The following AKAP9 variants were observed in gnomAD, a reference collection of about 807,000 sequenced individuals.
The protein encoded by AKAP9 is A-kinase anchor protein 9.
Under a neutral mutation model 488.5 loss-of-function variants are expected in AKAP9, and 311 were observed. That is an observed-to-expected ratio of 0.64 (90% CI 0.58 to 0.70). The LOEUF (loss-of-function observed/expected upper bound fraction) is 0.70, where lower values mean the gene tolerates loss of function less well. Among genes scored for constraint, AKAP9 ranks in the 30% least tolerant of loss-of-function variants. The pLI, the probability that AKAP9 is intolerant of heterozygous loss-of-function variation, is 0.00. For synonymous variants in AKAP9, 1,462 were observed against 1,483.5 expected (o/e 0.99, Z 0.33); for missense variants, 4,215 against 4,374.5 (o/e 0.96, Z 1.03).
chr7:92,022,771 C>T (rs756488407), intron 13 of AKAP9, 43 bp from the exon 14 acceptor site: 4 of 1,292,466 alleles, frequency 3.1e-6, no homozygotes, highest in South Asian at 2.5e-5. Context: ...CACTAAGAAA[C>T]TTATATTGAA....
rs373116967 is a variant in AKAP9 at position 92,026,531 on chromosome 7, C to T, written c.4149-3364C>T. On this transcript the variant is annotated intron_variant, in intron 14 of 49. Coordinates refer to ENST00000356239, the MANE Select transcript of AKAP9 (RefSeq NM_005751.5). The stretch of plus-strand genomic sequence containing the variant: ...TGTGTTTTTGGTGGAGATGGGGTTT[C>T]GCCATGTTGGCTGGGCTGGTCTCCA... Among the ~76,000 whole-genome samples the T allele has an allele frequency of 1.1e-3, 171 of 152,186 alleles. 2 individuals are homozygous for T. The Middle Eastern group carries it at 0.017, about 15-fold the overall frequency.
At chr7:92,044,271 C>T (rs1722650236) in intron 20 of AKAP9, among the ~76,000 whole-genome samples, 1 of 152,134 alleles carries the variant, frequency 6.6e-6, no homozygotes, top group Non-Finnish European at 1.5e-5. Flanking sequence ...AAGAGAGACA[C>T]ACCAAATTCA....
intron 38 of AKAP9, among the ~76,000 whole-genome samples, chr7:92,091,058 A>G (rs1815471909): frequency 6.6e-6 from 1 of 152,124 alleles, no homozygotes; most frequent in South Asian, 2.1e-4. Context: ...GTAATTGGCT[A>G]GTTGGATTTT....
At chr7:92,091,142 A>T (rs1296082879) in intron 38 of AKAP9, among the ~76,000 whole-genome samples, 3 of 152,210 alleles carry the variant, frequency 2.0e-5, no homozygotes, top group African/African-American at 7.2e-5. Flanking sequence ...TACAGATGGA[A>T]ATCATTAGAA....
At chr7:91,948,527 GT>G (rs1442681727) in intron 1 of AKAP9, among the ~76,000 whole-genome samples, 5 of 148,278 alleles carry the variant, frequency 3.4e-5, no homozygotes, top group Admixed American at 3.3e-4. Context: ...TCTAATTGTG[GT>G]TTTGGTTTGT....
At chr7:91,969,821 G>A (rs912339894) in intron 1 of AKAP9, among the ~76,000 whole-genome samples, 2 of 152,046 alleles carry the variant, frequency 1.3e-5, no homozygotes, top group East Asian at 3.9e-4. Flanking sequence ...TGGGTTTTTT[G>A]TGGGCAGCTT....
At chr7:92,026,320 C>T (rs921010079) in intron 14 of AKAP9, among the ~76,000 whole-genome samples, 3 of 152,162 alleles carry the variant, frequency 2.0e-5, no homozygotes, top group Admixed American at 6.5e-5. Context: ...CTCCCTCTCC[C>T]TCTCCCTCTC....
At chr7:92,038,396 A>T in intron 16 of AKAP9, 23 bp from the exon 17 acceptor site, 1 of 1,556,012 alleles carries the variant, frequency 6.4e-7, no homozygotes, top group Non-Finnish European at 8.9e-7. Flanking sequence ...CTAATCCTTT[A>T]TTGTTTGCTT....
At chr7:91,979,392 C>A (rs567927149) in intron 2 of AKAP9, among the ~76,000 whole-genome samples, 1 of 151,932 alleles carries the variant, frequency 6.6e-6, no homozygotes, top group Admixed American at 6.6e-5. Context: ...CCACAAGAAC[C>A]GTATGGGGGA....
Position 92,095,130 on chromosome 7 carries a change from C to T in AKAP9, c.9686C>T (p.Ala3229Val). The change falls in exon 40 of 50, where the codon GCC becomes GTC. Residue 3229 changes from alanine to valine, a missense_variant. Ala to Val is a moderately conservative substitution (Grantham distance 64). This residue lies in a region of AKAP9 where 1,476 missense variants were observed against 1,477.4 expected (regional missense o/e 1.00). Transcript: ENST00000356239. Reference protein sequence around the residue: ...ELQWALEKEKAKLGRSEERDK... With the variant: ...ELQWALEKEKVKLGRSEERDK... ...CAGTGGGCTTTGGAGAAAGAGAAAG[C>T]CAAGTTGGGACGCAGTGAAGAACGG... 6.2e-7 allele frequency: 1 copy of T among 1,614,064 alleles called. No individual in the cohort carries two copies. Among genetic ancestry groups the T allele is most frequent in the South Asian group, 1.1e-5 (1 of 91,072 alleles).
chr7:92,085,628 A>G lies in AKAP9; in HGVS notation c.8966A>G (p.Asn2989Ser), dbSNP rs2130875812. The change falls in exon 36 of 50, where the codon AAT (asparagine) becomes AGT (serine). Residue 2989 changes from asparagine (N) to serine (S), a missense_variant. This residue lies in a region of AKAP9 where 1,476 missense variants were observed against 1,477.4 expected (regional missense o/e 1.00). Transcript: ENST00000356239. ...PWLEERKAYI[N>S]TISSLKDLIT... ...CTAGAAGAGAGAAAAGCTTACATCAATACAATCTCATCTCTAAAGGATTTA... is the reference window on the plus strand; with the variant it reads ...CTAGAAGAGAGAAAAGCTTACATCAGTACAATCTCATCTCTAAAGGATTTA... The G allele has an allele frequency of 8.1e-6, 13 of 1,613,942 alleles. No homozygotes were observed. The highest frequency in any genetic ancestry group is 1.1e-5 in the Non-Finnish European group (13 of 1,179,936).
rs148905984 is a variant in AKAP9, at chr7:92,014,249, G to A, written c.3533G>A (p.Gly1178Asp). 4.4e-6 allele frequency: 7 copies of A among 1,601,048 alleles called. No homozygotes were observed. The highest frequency in any genetic ancestry group is 1.3e-5 in the African/African-American group (1 of 74,618). Residue 1178 changes from glycine (G) to aspartate (D), a missense_variant and splice_region_variant, in exon 10 of 50, where the codon GGT (glycine) becomes GAT (aspartate). This residue lies in a region of AKAP9 where 2,361 missense variants were observed against 2,430.0 expected (regional missense o/e 0.97). Transcript: ENST00000356239. ...CTTAATCCATTATCTGTTCTATTAG[G>A]TGATGAAGGAAAGCCTTTACATCTG... is the stretch of plus-strand genomic sequence containing the variant. ...ELQTMKTQET[G>D]DEGKPLHLLI...
At chr7:92,034,480 C>CTATATATATA (rs201647585) in intron 16 of AKAP9, among the ~76,000 whole-genome samples, 14 of 109,872 alleles carry the variant, frequency 1.3e-4, no homozygotes, top group South Asian at 3.0e-4. Context: ...GTGTATATAT[C>CTATATATATA]TATATATATA....
At position 92,000,967 on chromosome 7, in the gene AKAP9, T is replaced by A; in HGVS notation, c.1050T>A (p.Asp350Glu). The change falls in exon 8 of 50, where the codon GAT (aspartate) becomes GAA (glutamate). Residue 350 changes from aspartate to glutamate, a missense_variant. Around this residue, in one of 5 missense-constraint regions of AKAP9, gnomAD observed 2,361 missense variants for 2,430.0 expected, o/e 0.97. Transcript: ENST00000356239. ...EEEKKTLELKDKLTTADKLLG... is the reference protein window; with the variant it reads ...EEEKKTLELKEKLTTADKLLG... The stretch of plus-strand genomic sequence containing the variant: ...AAAAGAAAACTCTTGAGCTAAAGGA[T>A]AAATTAACAACTGCTGATAAATTAC... 2.0e-6 allele frequency: 3 copies of A among 1,530,956 alleles called. No individual in the cohort carries two copies. Among genetic ancestry groups the A allele is most frequent in the Non-Finnish European group, 2.6e-6 (3 of 1,138,584 alleles). The allele number at this position is 1,530,956 out of a possible 1,614,324, so 94.8% of individuals were successfully genotyped here.
At chr7:92,034,498 ATT>A (rs59961119) in intron 16 of AKAP9, among the ~76,000 whole-genome samples, 237 of 95,402 alleles carry the variant, frequency 2.5e-3, no homozygotes, top group East Asian at 0.011. Flanking sequence ...ATATATATAT[ATT>A]TTTTTTTTTT....
At chr7:91,944,677 G>A (rs533755884) in intron 1 of AKAP9, among the ~76,000 whole-genome samples, 3 of 152,262 alleles carry the variant, frequency 2.0e-5, no homozygotes, top group African/African-American at 7.2e-5. Flanking sequence ...ATGAGCCACT[G>A]CACTCAGCCT....
chr7:91,949,325 G>A (rs10264666), intron 1 of AKAP9, among the ~76,000 whole-genome samples: 99,061 of 151,800 alleles, frequency 0.65, 32,700 homozygotes, highest in East Asian at 0.83. Context: ...CTTCCTTTGA[G>A]TGATAGGTTC....
Position 92,066,480 on chromosome 7 carries a change from G to A in AKAP9, c.6264G>A (p.Gln2088=), listed in dbSNP as rs1224695778. Residue 2088 remains glutamine, a synonymous_variant, in exon 26 of 50, where the codon CAG becomes CAA. Coordinates refer to ENST00000356239, the MANE Select transcript of AKAP9 (RefSeq NM_005751.5). The part of the protein sequence containing the change: ...HERDVFQQEI[Q]KLEQQLKVVP... ...GAGATGTATTCCAACAGGAAATACA[G>A]AAACTAGAACAGCAACTTAAGGTTG... 6.2e-7 allele frequency: 1 copy of A among 1,613,328 alleles called. No homozygotes were observed.
chr7:92,089,440 T>G lies in AKAP9; in HGVS notation c.9269T>G (p.Leu3090Trp), dbSNP rs1815157120. 6.2e-7 allele frequency: 1 copy of G among 1,612,670 alleles called. No homozygotes were observed. The highest frequency in any genetic ancestry group is 1.3e-5 in the African/African-American group (1 of 74,990). ...CTCCAGAAAGCAGATAGAAGGAGTTTGTTATCTGAAATTCAGGCACTGCAT... is the reference window on the plus strand; with the variant it reads ...CTCCAGAAAGCAGATAGAAGGAGTTGGTTATCTGAAATTCAGGCACTGCAT... ...ECLQKADRRS[L>W]LSEIQALHAQ... Residue 3090 changes from leucine (L) to tryptophan (W), a missense_variant, in exon 38 of 50, where the codon TTG (leucine) becomes TGG (tryptophan). By Grantham distance (61) the Leu-to-Trp change is moderately conservative. Transcript: ENST00000356239.
Sources: allele counts gnomAD v4.1 joint callset (sites outside exome capture counted in the v4.1 genomes callset), GRCh38; gene constraint gnomAD v4.1.1; regional missense constraint gnomAD v4.1.1; transcripts MANE v1.5; gene names NCBI Gene and HGNC (gene_info 2026-07-23, HGNC 2026-07-21).